KLHL29: variants seen among roughly 807,000 people sequenced by gnomAD.
KLHL29 encodes kelch-like protein 29.
A neutral mutation model predicts 80.4 loss-of-function variants in KLHL29; 21 were observed. The ratio of observed to expected loss-of-function variants is 0.26; its 90% CI spans 0.19 to 0.38. The LOEUF is 0.38. Among genes scored for constraint, KLHL29 ranks in the 10% least tolerant of loss-of-function variants. The pLI is 1.00. For missense variants in KLHL29, 867 were observed against 1,223.9 expected (o/e 0.71, Z 4.35); for synonymous variants, 511 against 526.8 (o/e 0.97, Z 0.41).
intron 3 of KLHL29, among the ~76,000 whole-genome samples, chr2:23,586,089 C>G (rs1047202783): frequency 1.1e-4 from 17 of 152,116 alleles, no homozygotes; most frequent in African/African-American, 4.1e-4. Context: ...CACCTCTCAG[C>G]CCTGTGTCAG....
chr2:23,532,962 C>T (rs577619023), intron 2 of KLHL29, among the ~76,000 whole-genome samples: 5 of 152,166 alleles, frequency 3.3e-5, no homozygotes, highest in Admixed American at 2.6e-4. Flanking sequence ...GCCTGGGGGC[C>T]GAGGGGAGGG....
At chr2:23,643,018 A>C in intron 5 of KLHL29, 168 bp downstream of exon 5, 1 of 781,294 alleles carries the variant, frequency 1.3e-6, no homozygotes, top group Non-Finnish European at 2.2e-6. Flanking sequence ...CTGGCCTGAG[A>C]TGGGGGAGGG....
chr2:23,582,154 G>T (rs142364783), intron 3 of KLHL29, among the ~76,000 whole-genome samples: 150 of 152,286 alleles, frequency 9.8e-4, no homozygotes, highest in African/African-American at 3.5e-3. Context: ...ATCAGGGCAG[G>T]CCACAAAATG....
At chr2:23,627,923 T>TTTTTC (rs1336528098) in intron 3 of KLHL29, among the ~76,000 whole-genome samples, 1 of 150,196 alleles carries the variant, frequency 6.7e-6, no homozygotes, top group Non-Finnish European at 1.5e-5. Flanking sequence ...TTTTTTTTTT[T>TTTTTC]TGAGATGGAG....
intron 1 of KLHL29, among the ~76,000 whole-genome samples, chr2:23,450,523 A>G (rs1033448842): frequency 3.3e-5 from 5 of 152,096 alleles, no homozygotes; most frequent in African/African-American, 9.7e-5. Context: ...GGCTGCCCCC[A>G]AGACTTCAGC....
At chr2:23,633,030 G>A (rs112472209) in intron 3 of KLHL29, among the ~76,000 whole-genome samples, 208 of 152,346 alleles carry the variant, frequency 1.4e-3, no homozygotes, top group African/African-American at 4.8e-3. Context: ...GCCAGCGCCC[G>A]TGAGCATCCC....
At chr2:23,693,215 G>A (rs1319155906) in intron 7 of KLHL29, 54 bp from the exon 8 acceptor site, 1 of 1,506,298 alleles carries the variant, frequency 6.6e-7, no homozygotes, top group East Asian at 2.5e-5. Flanking sequence ...ATGGGAACAG[G>A]TGGCAACTGC....
chr2:23,477,615 C>T (rs950474408), intron 2 of KLHL29, among the ~76,000 whole-genome samples: 1 of 152,248 alleles, frequency 6.6e-6, no homozygotes, highest in Non-Finnish European at 1.5e-5. Flanking sequence ...GGCACACGCC[C>T]ATGGCACCAC....
At chr2:23,599,992 G>A (rs1405839872) in intron 3 of KLHL29, among the ~76,000 whole-genome samples, 1 of 152,166 alleles carries the variant, frequency 6.6e-6, no homozygotes, top group African/African-American at 2.4e-5. Flanking sequence ...GCATACACAC[G>A]TGCAGGAGAT....
intron 3 of KLHL29, among the ~76,000 whole-genome samples, chr2:23,636,208 A>G (rs1213322781): frequency 6.6e-6 from 1 of 151,996 alleles, no homozygotes; most frequent in Non-Finnish European, 1.5e-5. Flanking sequence ...CACGTCACCC[A>G]CCCGGGGGCC....
intron 3 of KLHL29, among the ~76,000 whole-genome samples, chr2:23,613,808 A>G (rs575300384): frequency 1.3e-5 from 2 of 148,278 alleles, no homozygotes; most frequent in Non-Finnish European, 3.0e-5. Flanking sequence ...CTCTCAGCTC[A>G]CCAGGAAGAT....
chr2:23,465,563 A>G (rs1664326276), intron 1 of KLHL29, among the ~76,000 whole-genome samples: 1 of 152,160 alleles, frequency 6.6e-6, no homozygotes, highest in East Asian at 1.9e-4. Flanking sequence ...ACAGAGCCCC[A>G]GCTGGCCCCA....
chr2:23,449,818 G>A (rs929879537), intron 1 of KLHL29, among the ~76,000 whole-genome samples: 5 of 152,090 alleles, frequency 3.3e-5, no homozygotes, highest in African/African-American at 1.2e-4. Context: ...AGCATAGCTT[G>A]GATGAGAGGC....
intron 2 of KLHL29, among the ~76,000 whole-genome samples, chr2:23,539,432 C>CTTTTTTT (rs869075602): frequency 3.9e-5 from 1 of 25,746 alleles, no homozygotes; most frequent in Non-Finnish European, 6.5e-5. Flanking sequence ...ATCCTGCCTC[C>CTTTTTTT]TTTTTTTTTT....
intron 2 of KLHL29, among the ~76,000 whole-genome samples, chr2:23,488,461 G>A (rs1429639344): frequency 1.3e-5 from 2 of 152,202 alleles, no homozygotes; most frequent in Non-Finnish European, 2.9e-5. Flanking sequence ...TGGCAGAACT[G>A]GCTACAATTC....
intron 3 of KLHL29, among the ~76,000 whole-genome samples, chr2:23,579,516 G>C (rs567216806): frequency 6.6e-6 from 1 of 151,776 alleles, no homozygotes; most frequent in Admixed American, 6.6e-5. Flanking sequence ...TCCCTCCCTC[G>C]CCATCCTCAT....
intron 2 of KLHL29, among the ~76,000 whole-genome samples, chr2:23,539,746 T>C (rs1269982766): frequency 6.6e-6 from 1 of 152,126 alleles, no homozygotes; most frequent in Non-Finnish European, 1.5e-5. Context: ...CTGGCCATTA[T>C]CCTACCTCCT....
intron 1 of KLHL29, among the ~76,000 whole-genome samples, chr2:23,458,033 A>G (rs935714234): frequency 1.8e-4 from 27 of 152,268 alleles, no homozygotes; most frequent in Admixed American, 1.8e-3. Flanking sequence ...AATTAAAAAA[A>G]AATAAAACGT....
chr2:23,595,465 C>CCCTCTCT (rs1264571657), intron 3 of KLHL29, among the ~76,000 whole-genome samples: 2 of 152,234 alleles, frequency 1.3e-5, no homozygotes, highest in Non-Finnish European at 2.9e-5. Context: ...CTCCTACCTG[C>CCCTCTCT]CCTCTCTGTG....
Sources: gnomAD v4.1 joint callset for allele counts (sites outside exome capture counted in the v4.1 genomes callset) on GRCh38, gnomAD v4.1.1 for gene constraint, MANE v1.5 for transcripts, NCBI Gene and HGNC (gene_info 2026-07-23, HGNC 2026-07-21) for gene names.